Variants in STPG2 observed in about 807,000 individuals in gnomAD.
The protein encoded by STPG2 is sperm-tail PG-rich repeat-containing protein 2.
STPG2 carries 56 observed loss-of-function variants against 54.2 expected under a neutral mutation model. That is an observed-to-expected ratio of 1.03 (90% CI 0.83 to 1.29). STPG2 has a LOEUF of 1.29. Among genes scored for constraint, STPG2 ranks in the 50% most tolerant of loss-of-function variants. The pLI, the probability that STPG2 is intolerant of heterozygous loss-of-function variation, is 0.00. For missense variants in STPG2, 596 were observed against 544.9 expected (o/e 1.09, Z -0.93); for synonymous variants, 200 against 181.8 (o/e 1.10, Z -0.81).
At chr4:97,940,902 T>C (rs1732953295) in intron 8 of STPG2, among the ~76,000 whole-genome samples, 1 of 152,112 alleles carries the variant, frequency 6.6e-6, no homozygotes, top group Non-Finnish European at 1.5e-5. Flanking sequence ...GTCTAGGAAA[T>C]GCTCGGTTCA....
intron 5 of STPG2, among the ~76,000 whole-genome samples, chr4:98,079,355 A>G (rs186322111): frequency 1.1e-4 from 16 of 152,306 alleles, no homozygotes; most frequent in African/African-American, 3.8e-4. Context: ...TCTGTTCACT[A>G]CTGACAATGA....
intron 4 of STPG2, among the ~76,000 whole-genome samples, chr4:97,531,892 G>T (rs1195593874): frequency 1.3e-5 from 2 of 152,168 alleles, no homozygotes; most frequent in African/African-American, 4.8e-5. Context: ...GTAACAGAAG[G>T]ATAGATGCTT....
intron 5 of STPG2, among the ~76,000 whole-genome samples, chr4:98,085,628 A>C (rs1363719071): frequency 1.3e-5 from 2 of 152,054 alleles, no homozygotes; most frequent in Non-Finnish European, 2.9e-5. Flanking sequence ...TGTATTCCTA[A>C]GTATTTTATG....
At chr4:97,522,502 T>G (rs2148847878) in intron 4 of STPG2, among the ~76,000 whole-genome samples, 1 of 152,156 alleles carries the variant, frequency 6.6e-6, no homozygotes, top group Non-Finnish European at 1.5e-5. Context: ...AATTATTTTT[T>G]TCACTATGCA....
At chr4:97,464,143 T>C (rs1475572664) in intron 4 of STPG2, among the ~76,000 whole-genome samples, 1 of 152,156 alleles carries the variant, frequency 6.6e-6, no homozygotes. Context: ...AACACAATCA[T>C]TGGATTGTAC....
At chr4:98,113,207 G>C (rs1351637226) in intron 3 of STPG2, among the ~76,000 whole-genome samples, 1 of 152,024 alleles carries the variant, frequency 6.6e-6, no homozygotes, top group Non-Finnish European at 1.5e-5. Context: ...GCCCAGCAGA[G>C]AGCACCATAT....
At chr4:97,604,573 C>T (rs1305909094) in intron 10 of STPG2, among the ~76,000 whole-genome samples, 1 of 151,680 alleles carries the variant, frequency 6.6e-6, no homozygotes, top group African/African-American at 2.4e-5. Flanking sequence ...GAGTTCTCCT[C>T]TACCCTTCTG....
At chr4:97,592,118 G>A (rs537057573) in intron 10 of STPG2, among the ~76,000 whole-genome samples, 36 of 152,068 alleles carry the variant, frequency 2.4e-4, no homozygotes, top group African/African-American at 8.7e-4. Flanking sequence ...TAGAAAAATC[G>A]CCATCTTAAT....
intron 5 of STPG2, among the ~76,000 whole-genome samples, chr4:97,981,590 C>G (rs1038315848): frequency 6.6e-6 from 1 of 151,848 alleles, no homozygotes; most frequent in Non-Finnish European, 1.5e-5. Flanking sequence ...ACATGAGACT[C>G]TAGATGATAG....
chr4:97,900,264 C>G (rs903752428), intron 8 of STPG2, among the ~76,000 whole-genome samples: 1 of 151,966 alleles, frequency 6.6e-6, no homozygotes, highest in Admixed American at 6.6e-5. Context: ...GTTAAAAAGT[C>G]AAAAAATAAC....
At chr4:98,131,538 A>G (rs892144154) in intron 2 of STPG2, among the ~76,000 whole-genome samples, 4 of 152,178 alleles carry the variant, frequency 2.6e-5, no homozygotes, top group Non-Finnish European at 5.9e-5. Context: ...CAAAGTACTT[A>G]GCCTTAAAAC....
intron 10 of STPG2, among the ~76,000 whole-genome samples, chr4:97,627,474 C>T (rs1464655404): frequency 2.0e-5 from 3 of 152,054 alleles, no homozygotes; most frequent in East Asian, 3.9e-4. Flanking sequence ...ACTTAACATA[C>T]TTAAGCTATA....
chr4:97,531,096 G>T (rs1731404326), intron 4 of STPG2, among the ~76,000 whole-genome samples: 2 of 152,108 alleles, frequency 1.3e-5, no homozygotes, highest in Admixed American at 1.3e-4. Context: ...GCAGGTATAT[G>T]AAAAGATGTT....
intron 4 of STPG2, among the ~76,000 whole-genome samples, chr4:97,453,164 C>T (rs1450130961): frequency 2.6e-5 from 4 of 152,222 alleles, no homozygotes; most frequent in Non-Finnish European, 4.4e-5. Context: ...TCCTGCAGTG[C>T]CTGGCATCTC....
intron 5 of STPG2, 32 bp downstream of exon 5, chr4:98,105,920 GA>G: frequency 1.3e-6 from 2 of 1,510,530 alleles, no homozygotes; most frequent in Non-Finnish European, 1.8e-6. Flanking sequence ...TTAAAATTGG[GA>G]AAATATATGC....
intron 10 of STPG2, among the ~76,000 whole-genome samples, chr4:97,585,813 T>C (rs1732982951): frequency 6.6e-6 from 1 of 151,908 alleles, no homozygotes; most frequent in African/African-American, 2.4e-5. Context: ...TATTAGAGCC[T>C]TAACCCTCAA....
chr4:98,000,432 A>C (rs1227756836), intron 5 of STPG2, among the ~76,000 whole-genome samples: 1 of 151,468 alleles, frequency 6.6e-6, no homozygotes, highest in African/African-American at 2.4e-5. Context: ...ATATTTTAAA[A>C]GTATGTGCTA....
chr4:97,610,659 A>C (rs1163351581), intron 10 of STPG2, among the ~76,000 whole-genome samples: 1 of 152,038 alleles, frequency 6.6e-6, no homozygotes, highest in East Asian at 1.9e-4. Flanking sequence ...CCAGTCCAGC[A>C]CATCTCACTA....
rs544824172 is a variant in STPG2, at chr4:97,593,409, T to G, written c.1321-34292A>C. ...CATGACACTGATGCTAGCATCCTGG[T>G]GTCAGCGCATCCTGGGTCTCGCACA... On this transcript the variant is annotated intron_variant, in intron 10 of 10. Transcript: ENST00000295268. 1.4e-3 allele frequency among the ~76,000 whole-genome samples: 215 copies of G among 152,268 alleles called. 1 individual carries two copies. Among genetic ancestry groups the G allele is most frequent in the African/African-American group, 5.1e-3 (210 of 41,562 alleles).
Sources: allele counts gnomAD v4.1 joint callset (sites outside exome capture counted in the v4.1 genomes callset), GRCh38; gene constraint gnomAD v4.1.1; transcripts MANE v1.5; gene names NCBI Gene and HGNC (gene_info 2026-07-23, HGNC 2026-07-21).